TDRD7: variants seen among roughly 807,000 people sequenced by gnomAD.
The protein encoded by TDRD7 is tudor domain-containing protein 7.
In TDRD7, 47 loss-of-function variants were observed where a neutral mutation model predicts 109.8. The observed-to-expected ratio is 0.43, with a 90% confidence interval of 0.34 to 0.55. The LOEUF (loss-of-function observed/expected upper bound fraction) is 0.55, where lower values mean the gene tolerates loss of function less well. Among genes scored for constraint, TDRD7 ranks in the 20% least tolerant of loss-of-function variants. The probability of loss-of-function intolerance (pLI) is 0.03; values close to 1 mark genes in which losing one functional copy is unlikely to be tolerated. For missense variants in TDRD7, 1,164 were observed against 1,319.2 expected (o/e 0.88, Z 1.82); for synonymous variants, 424 against 457.3 (o/e 0.93, Z 0.93).
intron 8 of TDRD7, among the ~76,000 whole-genome samples, chr9:97,466,276 G>C (rs1037277577): frequency 1.3e-5 from 2 of 152,124 alleles, no homozygotes; most frequent in African/African-American, 4.8e-5. Context: ...CAATAGGAGA[G>C]GCCCTGACCC....
chr9:97,483,961 C>T (rs1324888050), intron 15 of TDRD7, among the ~76,000 whole-genome samples: 1 of 152,056 alleles, frequency 6.6e-6, no homozygotes, highest in Non-Finnish European at 1.5e-5. Flanking sequence ...AATTTACTTA[C>T]CATTCTATTT....
At position 97,475,579 on chromosome 9, in the gene TDRD7, T is replaced by G. The variant is rs190209339; in HGVS notation, c.2166+110T>G. ...TAAATACTCACAGACTCATCATCAGTTTATGAAATAAAACATGACCAGTAT... is the reference window on the plus strand; with the variant it reads ...TAAATACTCACAGACTCATCATCAGGTTATGAAATAAAACATGACCAGTAT... On this transcript the variant is annotated intron_variant, in intron 12 of 16. Coordinates refer to ENST00000355295, the MANE Select transcript of TDRD7 (RefSeq NM_014290.3). The G allele has an allele frequency of 8.3e-5, 68 of 820,884 alleles. No individual in the cohort carries two copies. The African/African-American group carries it at 1.1e-3, about 13-fold the overall frequency. 50.9% of individuals were successfully genotyped at this position (820,884 alleles called of 1,614,324 possible).
chr9:97,460,971 C>G (rs563474250), intron 7 of TDRD7, among the ~76,000 whole-genome samples: 1 of 152,130 alleles, frequency 6.6e-6, no homozygotes, highest in African/African-American at 2.4e-5. Flanking sequence ...GAAACCCCGT[C>G]TCTACTAAAA....
rs756171623 is a variant in TDRD7 at position 97,487,350 on chromosome 9, T to C, written c.3076+18T>C. 33 of 1,613,744 alleles carry C rather than the reference T, an allele frequency of 2.0e-5. No individual in the cohort carries two copies. The highest frequency in any genetic ancestry group is 2.6e-5 in the Non-Finnish European group (31 of 1,179,794). ...ACTTGCAGGTAATTTCTGTGGAATC[T>C]GAACTCATGCTACAACAATGCAATA... On this transcript the variant is annotated intron_variant, in intron 16 of 16. Transcript: ENST00000355295.
chr9:97,442,350 AAT>A (rs1335717890), intron 6 of TDRD7, among the ~76,000 whole-genome samples: 12 of 152,134 alleles, frequency 7.9e-5, no homozygotes, highest in Non-Finnish European at 1.5e-4. Context: ...TGAAATTAAT[AAT>A]AGTGTTTATA....
chr9:97,425,344 G>C (rs367742820), intron 1 of TDRD7, among the ~76,000 whole-genome samples: 1 of 152,238 alleles, frequency 6.6e-6, no homozygotes. Flanking sequence ...TTATAATACT[G>C]TATTTTTCTA....
intron 4 of TDRD7, among the ~76,000 whole-genome samples, chr9:97,435,527 T>C (rs966386094): frequency 1.3e-5 from 2 of 151,686 alleles, no homozygotes; most frequent in Admixed American, 1.3e-4. Context: ...TCTCAGCTGC[T>C]TGAGAGATTG....
In TDRD7 at chr9:97,495,262, CT is replaced by C. The variant is rs952879678; in HGVS notation, c.3077-392del. On this transcript the variant is annotated intron_variant, in intron 16 of 16. Coordinates refer to ENST00000355295, the MANE Select transcript of TDRD7 (RefSeq NM_014290.3). Reference sequence around the variant, plus strand: ...ACTGTAAATGAATCATACAATAATTCTTTTTTTTTATGATATTTGGTCCATC... The same window carrying C: ...ACTGTAAATGAATCATACAATAATTCTTTTTTTTATGATATTTGGTCCATC... Among the ~76,000 whole-genome samples the C allele has an allele frequency of 1.3e-3, 196 of 150,724 alleles. 2 individuals are homozygous for C. The highest frequency in any genetic ancestry group is 2.6e-3 in the African/African-American group (105 of 41,012).
At chr9:97,416,497 T>C (rs1473835297) in intron 1 of TDRD7, among the ~76,000 whole-genome samples, 1 of 152,150 alleles carries the variant, frequency 6.6e-6, no homozygotes, top group Non-Finnish European at 1.5e-5. Flanking sequence ...ATGTGAGACA[T>C]TTACTAATAT....
intron 7 of TDRD7, among the ~76,000 whole-genome samples, chr9:97,464,235 A>G (rs1828782603): frequency 6.6e-6 from 1 of 152,160 alleles, no homozygotes; most frequent in Admixed American, 6.5e-5. Flanking sequence ...TCCTGAGGAC[A>G]CTATCGCTGC....
At chr9:97,429,842 C>T (rs1828069625) in intron 2 of TDRD7, among the ~76,000 whole-genome samples, 1 of 152,122 alleles carries the variant, frequency 6.6e-6, no homozygotes, top group Admixed American at 6.6e-5. Context: ...GAATGAATAG[C>T]TGAATGAATT....
intron 14 of TDRD7, among the ~76,000 whole-genome samples, chr9:97,481,407 A>G (rs1244198019): frequency 6.6e-6 from 1 of 152,170 alleles, no homozygotes; most frequent in African/African-American, 2.4e-5. Flanking sequence ...AATCTGCCAT[A>G]CTTATTTCAC....
At chr9:97,474,978 A>T (rs1186251587) in intron 11 of TDRD7, among the ~76,000 whole-genome samples, 1 of 152,192 alleles carries the variant, frequency 6.6e-6, no homozygotes, top group Admixed American at 6.5e-5. Context: ...TTATCTTTGC[A>T]TCTAAATGTG....
chr9:97,472,213 C>CA (rs1304377472), intron 9 of TDRD7, 80 bp from the exon 10 acceptor site: 1 of 1,297,174 alleles, frequency 7.7e-7, no homozygotes, highest in African/African-American at 1.5e-5. Context: ...TAATAATGGT[C>CA]AAAACAGACA....
At chr9:97,457,469 C>T (rs2118469879) in intron 6 of TDRD7, among the ~76,000 whole-genome samples, 2 of 152,186 alleles carry the variant, frequency 1.3e-5, no homozygotes, top group African/African-American at 4.8e-5. Flanking sequence ...ACCTCTGCCT[C>T]CCGGGTTCAA....
intron 16 of TDRD7, among the ~76,000 whole-genome samples, chr9:97,493,274 G>A (rs537220555): frequency 6.6e-6 from 1 of 152,146 alleles, no homozygotes; most frequent in South Asian, 2.1e-4. Flanking sequence ...CTAAGTGTCG[G>A]CCGGTCTGAG....
At position 97,480,866 on chromosome 9, in the gene TDRD7, T is replaced by A. The variant is rs767538479; in HGVS notation, c.2340T>A (p.Ile780=). 5.0e-6 allele frequency: 8 copies of A among 1,614,026 alleles called. No individual in the cohort carries two copies. Among genetic ancestry groups the A allele is most frequent in the Non-Finnish European group, 6.8e-6 (8 of 1,179,996 alleles). ...KCCLADLPQS[I]GMWTPDAVLW... ...GTTTAGCAGATCTTCCACAATCTAT[T>A]GGCATGTGGACACCAGATGCAGTGC... The change falls in exon 14 of 17, where the codon ATT becomes ATA. Residue 780 remains isoleucine, a synonymous_variant. Transcript: ENST00000355295.
intron 5 of TDRD7, among the ~76,000 whole-genome samples, chr9:97,439,728 A>C (rs1828265852): frequency 2.6e-5 from 4 of 152,222 alleles, no homozygotes; most frequent in Admixed American, 2.6e-4. Flanking sequence ...CAGATACTCC[A>C]CCACTTAAAA....
At position 97,441,687 on chromosome 9, in the gene TDRD7, A is replaced by G; in HGVS notation, c.667A>G (p.Asn223Asp). 1 of 1,612,348 alleles carries G rather than the reference A, an allele frequency of 6.2e-7. No homozygotes were observed. Among genetic ancestry groups the G allele is most frequent in the Non-Finnish European group, 8.5e-7 (1 of 1,179,642 alleles). The part of the protein sequence containing the change: ...DNLNQTVEKP[N>D]VKPPASYTYK... ...TTTAAATCAGACTGTTGAAAAACCCAATGTCAAGCCTCCTGCCTCTTACAC... is the reference window on the plus strand; with the variant it reads ...TTTAAATCAGACTGTTGAAAAACCCGATGTCAAGCCTCCTGCCTCTTACAC... Residue 223 changes from asparagine to aspartate, a missense_variant, in exon 6 of 17, where the codon AAT becomes GAT. Transcript: ENST00000355295.
Sources: allele counts gnomAD v4.1 joint callset (sites outside exome capture counted in the v4.1 genomes callset), GRCh38; gene constraint gnomAD v4.1.1; transcripts MANE v1.5; gene names NCBI Gene and HGNC (gene_info 2026-07-23, HGNC 2026-07-21).